RALY: variants seen among roughly 807,000 people sequenced by gnomAD.
The protein encoded by RALY is RALY heterogeneous nuclear ribonucleoprotein.
RALY carries 15 observed loss-of-function variants against 30.7 expected under a neutral mutation model. The ratio of observed to expected loss-of-function variants is 0.49; its 90% confidence interval spans 0.33 to 0.75. The LOEUF (loss-of-function observed/expected upper bound fraction) is 0.75, where lower values mean the gene tolerates loss of function less well. RALY is among the 30% of genes least tolerant of loss of function. The pLI is 0.02. For missense variants in RALY, 339 were observed against 414.3 expected (o/e 0.82, Z 1.58); for synonymous variants, 177 against 170.8 (o/e 1.04, Z -0.28).
At chr20:34,001,154 C>T (rs1049762017) in intron 1 of RALY, among the ~76,000 whole-genome samples, 1 of 152,104 alleles carries the variant, frequency 6.6e-6, no homozygotes, top group Non-Finnish European at 1.5e-5. Flanking sequence ...ATGCTGAGTT[C>T]CATTATAAAC....
At chr20:34,018,237 A>C (rs1196954059) in intron 1 of RALY, among the ~76,000 whole-genome samples, 1 of 152,224 alleles carries the variant, frequency 6.6e-6, no homozygotes. Flanking sequence ...CAGGTGCAGC[A>C]GGTAGGGAGG....
At chr20:33,994,624 C>T (rs141285813) in intron 1 of RALY, among the ~76,000 whole-genome samples, 248 of 152,330 alleles carry the variant, frequency 1.6e-3, no homozygotes, top group Admixed American at 2.9e-3. Context: ...GCTCCCGCCT[C>T]TTCTGGGCTC....
chr20:34,007,520 C>CAA, intron 1 of RALY, among the ~76,000 whole-genome samples: 1 of 148,342 alleles, frequency 6.7e-6, no homozygotes, highest in East Asian at 2.0e-4. Context: ...GACTCCATCT[C>CAA]AAAAAAAACA....
intron 2 of RALY, among the ~76,000 whole-genome samples, chr20:34,061,292 T>G (rs548881220): frequency 6.6e-6 from 1 of 152,182 alleles, no homozygotes; most frequent in African/African-American, 2.4e-5. Context: ...AAGTCCTTAG[T>G]CTCCCTATCC....
intron 2 of RALY, among the ~76,000 whole-genome samples, chr20:34,062,186 G>GC (rs2033437437): frequency 6.6e-6 from 1 of 151,994 alleles, no homozygotes; most frequent in African/African-American, 2.4e-5. Context: ...AGCTAGATAG[G>GC]CCTGGCATAT....
At chr20:34,046,107 A>G (rs865938213) in intron 2 of RALY, among the ~76,000 whole-genome samples, 1 of 152,240 alleles carries the variant, frequency 6.6e-6, no homozygotes, top group South Asian at 2.1e-4. Flanking sequence ...GTGTCTTTGA[A>G]CTACTACCCT....
At chr20:34,078,679 A>G in intron 9 of RALY, 126 bp downstream of exon 9, 1 of 837,264 alleles carries the variant, frequency 1.2e-6, no homozygotes, top group East Asian at 3.2e-5. Context: ...ACTATACCCA[A>G]GAATGAAGTC....
chr20:33,997,518 AG>A (rs1418231273), intron 1 of RALY, among the ~76,000 whole-genome samples: 6 of 152,218 alleles, frequency 3.9e-5, no homozygotes, highest in Non-Finnish European at 8.8e-5. Flanking sequence ...TGCAGTTATC[AG>A]GAATAACAGT....
rs948614266 is a variant in RALY, at chr20:34,081,625, T to C, written c.*1720T>C. The C allele has an allele frequency of 6.6e-6, 1 of 152,184 alleles. No individual in the cohort carries two copies. The highest frequency in any genetic ancestry group is 2.4e-5 in the African/African-American group (1 of 41,420). 9.4% of individuals were successfully genotyped at this position (152,184 alleles called of 1,614,324 possible). A position where few individuals can be genotyped will look rare whatever the true frequency, so the allele number is the denominator to read the frequency against. On this transcript the variant is annotated 3_prime_UTR_variant, in exon 10 of 10. Coordinates refer to ENST00000246194, the MANE Select transcript of RALY (RefSeq NM_016732.3). The stretch of plus-strand genomic sequence containing the variant: ...CTTCCTCCTGGGCTTTGGCTCCATG[T>C]TTTGGTAGAGGGTGGAGGCTTTGGG...
intron 1 of RALY, among the ~76,000 whole-genome samples, chr20:34,021,604 T>G (rs1435923838): frequency 6.6e-6 from 1 of 152,100 alleles, no homozygotes; most frequent in Non-Finnish European, 1.5e-5. Context: ...CATTGTTGCT[T>G]TGGGGATTAA....
At position 34,082,975 on chromosome 20, in the gene RALY, A is replaced by G. The variant is rs917882885; in HGVS notation, c.*3070A>G. 1 of 152,232 alleles carries G rather than the reference A, an allele frequency of 6.6e-6. No individual in the cohort carries two copies. The highest frequency in any genetic ancestry group is 6.5e-5 in the Admixed American group (1 of 15,286). 9.4% of individuals were successfully genotyped at this position (152,232 alleles called of 1,614,324 possible). ...CAGTGGGTATACTGGATTGTGAGCT[A>G]AGAGGCCTGGGACTTTCCCCCTGTT... On this transcript the variant is annotated 3_prime_UTR_variant, in exon 10 of 10. Transcript: ENST00000246194.
At position 34,072,047 on chromosome 20, in the gene RALY, C is replaced by A. The variant is rs777752410; in HGVS notation, c.-9-19C>A. 1.2e-6 allele frequency: 2 copies of A among 1,608,684 alleles called. No individual in the cohort carries two copies. Among genetic ancestry groups the A allele is most frequent in the African/African-American group, 1.3e-5 (1 of 74,616 alleles). ...GCCCAGCCCAGGGACCCAGCTTCAC[C>A]GAGGCTCTTTTTCTTCAGGTGGGCA... On this transcript the variant is annotated intron_variant, in intron 2 of 9. Coordinates refer to ENST00000246194, the MANE Select transcript of RALY (RefSeq NM_016732.3).
Position 34,036,886 on chromosome 20 carries a change from C to A in RALY, c.-10+5282C>A, listed in dbSNP as rs373174110. Reference sequence around the variant, plus strand: ...GATTTTGCTGGTGTTTTCAAAGAACCAACTTTTGGTTTCATTGTTTTTCTT... The same window carrying A: ...GATTTTGCTGGTGTTTTCAAAGAACAAACTTTTGGTTTCATTGTTTTTCTT... On this transcript the variant is annotated intron_variant, in intron 2 of 9. Transcript: ENST00000246194. 8.8e-4 allele frequency among the ~76,000 whole-genome samples: 134 copies of A among 152,084 alleles called. 1 individual carries two copies. The highest frequency in any genetic ancestry group is 2.8e-3 in the African/African-American group (115 of 41,514).
intron 2 of RALY, among the ~76,000 whole-genome samples, chr20:34,036,435 A>G (rs1024572860): frequency 6.6e-6 from 1 of 152,194 alleles, no homozygotes; most frequent in Non-Finnish European, 1.5e-5. Context: ...TAAATCCCAC[A>G]TGGTTGTAGT....
At chr20:34,006,679 T>C (rs1327030492) in intron 1 of RALY, among the ~76,000 whole-genome samples, 1 of 152,154 alleles carries the variant, frequency 6.6e-6, no homozygotes, top group Non-Finnish European at 1.5e-5. Context: ...CAAATCCTTA[T>C]CATTATGTTA....
intron 2 of RALY, 66 bp downstream of exon 2, chr20:34,031,670 G>C (rs908894300): frequency 2.0e-5 from 3 of 152,012 alleles, no homozygotes; most frequent in African/African-American, 7.3e-5. Context: ...ACTCGTTTGG[G>C]GATTGTTTTT....
At position 34,025,629 on chromosome 20, in the gene RALY, C is replaced by A. The variant is rs6057964; in HGVS notation, c.-92-5893C>A. ...CAACACCTTTCGGTCAGTCTTCCTG[C>A]AGGCCCTGGAGCTTGCTTATTCTAA... On this transcript the variant is annotated intron_variant, in intron 1 of 9. Coordinates refer to ENST00000246194, the MANE Select transcript of RALY (RefSeq NM_016732.3). Among the ~76,000 whole-genome samples, 1,219 of 151,924 alleles carry A rather than the reference C, an allele frequency of 8.0e-3. 18 individuals carry two copies. Among genetic ancestry groups the A allele is most frequent in the African/African-American group, 0.027 (1,107 of 41,382 alleles).
At chr20:34,017,063 T>C (rs1347355937) in intron 1 of RALY, among the ~76,000 whole-genome samples, 1 of 20,026 alleles carries the variant, frequency 5.0e-5, no homozygotes, top group Non-Finnish European at 8.4e-5. Context: ...AGGGCTACCC[T>C]GAACAAACGG....
chr20:34,040,154 A>G (rs2032646717), intron 2 of RALY, among the ~76,000 whole-genome samples: 1 of 152,032 alleles, frequency 6.6e-6, no homozygotes, highest in East Asian at 1.9e-4. Flanking sequence ...CAGCACACAG[A>G]GAATTATTTA....
Sources: gnomAD v4.1 joint callset for allele counts (sites outside exome capture counted in the v4.1 genomes callset) on GRCh38, gnomAD v4.1.1 for gene constraint, MANE v1.5 for transcripts, NCBI Gene and HGNC (gene_info 2026-07-23, HGNC 2026-07-21) for gene names.